The following TASP1 variants were observed in gnomAD, a reference collection of about 807,000 sequenced individuals.
TASP1 encodes threonine aspartase 1.
A neutral mutation model predicts 56.6 loss-of-function variants in TASP1; 16 were observed. That is an observed-to-expected ratio of 0.28 (90% CI 0.19 to 0.43). TASP1 has a LOEUF of 0.43. TASP1 is among the 20% of genes least tolerant of loss of function. The pLI, the probability that TASP1 is intolerant of heterozygous loss-of-function variation, is 1.00. For missense variants in TASP1, 393 were observed against 511.6 expected, an observed-to-expected ratio of 0.77 and a Z score of 2.24; for synonymous variants, 179 against 184.2, an observed-to-expected ratio of 0.97 and a Z score of 0.23.
At chr20:13,386,008 T>C (rs1448156434), downstream of TASP1, among the ~76,000 whole-genome samples, 1 of 152,210 alleles carries the variant, frequency 6.6e-6, no homozygotes, top group African/African-American at 2.4e-5. Context: ...TGCTCTAGGA[T>C]GCCTTCCAGG....
At chr20:13,259,275 T>C in the TASP1 span, among the ~76,000 whole-genome samples, 1,508 of 143,610 alleles carry the variant, frequency 0.011, 26 homozygotes, top group African/African-American at 0.037. Context: ...AGTGAGACTC[T>C]GTCTCAAAAA....
the TASP1 span, among the ~76,000 whole-genome samples, chr20:13,227,932 C>G: frequency 1.4e-5 from 2 of 146,426 alleles, no homozygotes; most frequent in African/African-American, 5.0e-5. Flanking sequence ...CTAAGATTTA[C>G]TTATTTCTTT....
At chr20:13,241,719 G>T in the TASP1 span, among the ~76,000 whole-genome samples, 1 of 152,150 alleles carries the variant, frequency 6.6e-6, no homozygotes, top group Non-Finnish European at 1.5e-5. Context: ...GTAAGGTTGT[G>T]AAGGAAGGGC....
intron 13 of TASP1, among the ~76,000 whole-genome samples, chr20:13,404,039 A>G (rs2041831471): frequency 6.6e-6 from 1 of 152,220 alleles, no homozygotes; most frequent in South Asian, 2.1e-4. Context: ...ACCAAATCCT[A>G]AGGAGAATAT....
At chr20:13,466,510 G>A (rs1321603244) in intron 11 of TASP1, among the ~76,000 whole-genome samples, 2 of 152,146 alleles carry the variant, frequency 1.3e-5, no homozygotes, top group Non-Finnish European at 2.9e-5. Context: ...ACTTTGGGAG[G>A]CCAAGGCAGG....
intron 10 of TASP1, among the ~76,000 whole-genome samples, chr20:13,509,019 C>T (rs966370370): frequency 2.0e-5 from 3 of 152,066 alleles, no homozygotes; most frequent in African/African-American, 4.8e-5. Flanking sequence ...ATCAGTACCT[C>T]AAACAGACAA....
chr20:13,167,176 G>A, the TASP1 span: 1 of 152,142 alleles, frequency 6.6e-6, no homozygotes, highest in South Asian at 2.1e-4. Context: ...TAATTAGGAG[G>A]GTGATTGTGA....
intron 11 of TASP1, among the ~76,000 whole-genome samples, chr20:13,473,622 C>T (rs1309637732): frequency 6.6e-6 from 1 of 152,078 alleles, no homozygotes; most frequent in Non-Finnish European, 1.5e-5. Context: ...ATTCTGTCTA[C>T]CTCTTAAATT....
At chr20:13,204,528 C>CATAT in the TASP1 span, among the ~76,000 whole-genome samples, 739 of 145,306 alleles carry the variant, frequency 5.1e-3, 8 homozygotes, top group African/African-American at 0.016. Flanking sequence ...TTTATATATT[C>CATAT]ATATATATAT....
the TASP1 span, among the ~76,000 whole-genome samples, chr20:13,185,915 C>T: frequency 2.0e-5 from 3 of 152,182 alleles, no homozygotes; most frequent in Non-Finnish European, 4.4e-5. Context: ...GAAAATCCAT[C>T]ACTTTTCTTG....
chr20:13,520,913 C>A (rs1302594761), intron 10 of TASP1, among the ~76,000 whole-genome samples: 8 of 151,772 alleles, frequency 5.3e-5, no homozygotes, highest in East Asian at 1.9e-4. Context: ...CAATGAACTC[C>A]AACAAATTTA....
At chr20:13,601,014 G>A (rs1292725407) in intron 4 of TASP1, among the ~76,000 whole-genome samples, 5 of 152,168 alleles carry the variant, frequency 3.3e-5, no homozygotes, top group African/African-American at 9.7e-5. Flanking sequence ...GGTGGCTCAC[G>A]CCTGTAATCC....
chr20:13,222,627 G>C, the TASP1 span, among the ~76,000 whole-genome samples: 1 of 152,144 alleles, frequency 6.6e-6, no homozygotes, highest in South Asian at 2.1e-4. Context: ...CTTCCCCGTT[G>C]AAGGTCGCTT....
chr20:13,116,755 G>A, the TASP1 span, among the ~76,000 whole-genome samples: 1 of 152,136 alleles, frequency 6.6e-6, no homozygotes, highest in Non-Finnish European at 1.5e-5. Context: ...TATGTGGTCC[G>A]CAACCATTGG....
the TASP1 span, among the ~76,000 whole-genome samples, chr20:13,136,743 A>G: frequency 4.1e-5 from 6 of 147,886 alleles, no homozygotes; most frequent in African/African-American, 7.4e-5. Flanking sequence ...TTATATATAT[A>G]ATATATAGGG....
At chr20:13,361,436 C>T in the TASP1 span, among the ~76,000 whole-genome samples, 1 of 152,058 alleles carries the variant, frequency 6.6e-6, no homozygotes, top group Non-Finnish European at 1.5e-5. Flanking sequence ...CCTTACGGTC[C>T]TCCATCTTCA....
intron 1 of TASP1, among the ~76,000 whole-genome samples, chr20:13,637,839 A>G (rs1051097983): frequency 6.6e-6 from 1 of 152,224 alleles, no homozygotes; most frequent in African/African-American, 2.4e-5. Flanking sequence ...ACTTTGCGAT[A>G]TGAGAAAAAG....
At chr20:13,527,762 T>C (rs1443239994) in intron 10 of TASP1, among the ~76,000 whole-genome samples, 1 of 151,388 alleles carries the variant, frequency 6.6e-6, no homozygotes, top group African/African-American at 2.4e-5. Flanking sequence ...ATGTACCTTG[T>C]AAGTTTTATG....
the TASP1 span, chr20:13,292,332 T>G: frequency 7.6e-7 from 1 of 1,313,896 alleles, no homozygotes; most frequent in Non-Finnish European, 1.1e-6. Context: ...AGATAACTTT[T>G]TCCATGTAAT....
Sources: gnomAD v4.1 joint callset for allele counts (sites outside exome capture counted in the v4.1 genomes callset) on GRCh38, gnomAD v4.1.1 for gene constraint, MANE v1.5 for transcripts, NCBI Gene and HGNC (gene_info 2026-07-23, HGNC 2026-07-21) for gene names.